Variants in SERGEF observed in about 807,000 individuals in gnomAD.
SERGEF encodes the protein secretion-regulating guanine nucleotide exchange factor.
A neutral mutation model predicts 50.0 loss-of-function variants in SERGEF; 51 were observed. The ratio of observed to expected loss-of-function variants is 1.02; its 90% CI spans 0.81 to 1.29. The LOEUF is 1.29. SERGEF is among the 50% of genes most tolerant of loss of function. The pLI, the probability that SERGEF is intolerant of heterozygous loss-of-function variation, is 0.00. For synonymous variants in SERGEF, 205 were observed against 212.4 expected (o/e 0.97, Z 0.30); for missense variants, 521 against 557.0 (o/e 0.94, Z 0.65).
At chr11:17,809,716 C>T (rs1849832453) in intron 10 of SERGEF, among the ~76,000 whole-genome samples, 1 of 152,016 alleles carries the variant, frequency 6.6e-6, no homozygotes, top group Non-Finnish European at 1.5e-5. Flanking sequence ...GAGGACTTGG[C>T]ATCTGTGAAG....
At chr11:17,833,915 G>A (rs1055060255) in intron 10 of SERGEF, among the ~76,000 whole-genome samples, 2 of 152,194 alleles carry the variant, frequency 1.3e-5, no homozygotes, top group African/African-American at 4.8e-5. Flanking sequence ...ATAGGCAGAA[G>A]GGACTTGCCT....
At chr11:18,000,265 T>C (rs947220798) in intron 5 of SERGEF, among the ~76,000 whole-genome samples, 1 of 151,686 alleles carries the variant, frequency 6.6e-6, no homozygotes, top group African/African-American at 2.4e-5. Flanking sequence ...CTGGGCAACA[T>C]AGCGAGACCC....
chr11:17,845,789 T>C (rs1319967825), intron 10 of SERGEF, among the ~76,000 whole-genome samples: 1 of 152,190 alleles, frequency 6.6e-6, no homozygotes, highest in African/African-American at 2.4e-5. Context: ...ACTCATTTGA[T>C]GATAAAGAAA....
At chr11:17,995,770 T>C (rs746054582) in intron 6 of SERGEF, 26 bp downstream of exon 6, 2 of 1,444,484 alleles carry the variant, frequency 1.4e-6, no homozygotes, top group South Asian at 1.2e-5. Context: ...AGAACAAATA[T>C]AGGACTAAAG....
At chr11:17,970,830 G>T (rs951678961) in intron 8 of SERGEF, among the ~76,000 whole-genome samples, 4 of 152,116 alleles carry the variant, frequency 2.6e-5, no homozygotes, top group Admixed American at 6.6e-5. Context: ...TTGTAGGAAG[G>T]CTAAGAGACG....
At chr11:17,978,346 GCCC>G (rs991671448) in intron 8 of SERGEF, among the ~76,000 whole-genome samples, 5 of 152,146 alleles carry the variant, frequency 3.3e-5, no homozygotes, top group Admixed American at 1.3e-4. Context: ...CTCTGGCAAG[GCCC>G]TGGGCCTGCC....
intron 4 of SERGEF, among the ~76,000 whole-genome samples, chr11:18,003,361 T>C (rs1265719610): frequency 1.3e-5 from 2 of 152,248 alleles, no homozygotes; most frequent in Non-Finnish European, 2.9e-5. Flanking sequence ...TAAAGAGCTC[T>C]GAACTAGAGC....
chr11:17,909,318 G>A (rs768967175), intron 9 of SERGEF, among the ~76,000 whole-genome samples: 2 of 152,160 alleles, frequency 1.3e-5, no homozygotes, highest in Non-Finnish European at 2.9e-5. Context: ...ATTATTATTT[G>A]GCCAGAAGCT....
chr11:17,879,077 G>C (rs1017822290), intron 9 of SERGEF, among the ~76,000 whole-genome samples: 1 of 152,176 alleles, frequency 6.6e-6, no homozygotes, highest in African/African-American at 2.4e-5. Flanking sequence ...AGATGGATTG[G>C]ACAAGGCCTG....
chr11:18,001,082 G>A (rs1853950434), intron 4 of SERGEF, among the ~76,000 whole-genome samples: 1 of 152,156 alleles, frequency 6.6e-6, no homozygotes, highest in Non-Finnish European at 1.5e-5. Flanking sequence ...CAGTGACATA[G>A]GGATCGCCAT....
rs537488870 is a variant in SERGEF, at chr11:17,970,180, T to C, written c.845-10544A>G. 3.0e-4 allele frequency among the ~76,000 whole-genome samples: 45 copies of C among 152,352 alleles called. No individual in the cohort carries two copies. The South Asian group carries it at 4.3e-3, about 15-fold the overall frequency. ...GGCAACCCTGAGTCCAGTAAGTCTATTGGCGCCATTTTTCGAACAGCATGT... is the reference window on the plus strand; with the variant it reads ...GGCAACCCTGAGTCCAGTAAGTCTACTGGCGCCATTTTTCGAACAGCATGT... On this transcript the variant is annotated intron_variant, in intron 8 of 10. Coordinates refer to ENST00000265965, the MANE Select transcript of SERGEF (RefSeq NM_012139.4).
chr11:17,814,929 C>A (rs1486825249), intron 10 of SERGEF, among the ~76,000 whole-genome samples: 1 of 152,176 alleles, frequency 6.6e-6, no homozygotes, highest in African/African-American at 2.4e-5. Context: ...GCCTATAATC[C>A]TAGTGCTTTG....
At chr11:17,980,411 T>C (rs1043953408) in intron 8 of SERGEF, among the ~76,000 whole-genome samples, 2 of 152,214 alleles carry the variant, frequency 1.3e-5, no homozygotes, top group African/African-American at 2.4e-5. Flanking sequence ...TACATGGGAA[T>C]AGATGGCAAA....
chr11:17,959,058 G>A (rs1157340393), intron 9 of SERGEF, among the ~76,000 whole-genome samples: 6 of 152,146 alleles, frequency 3.9e-5, no homozygotes, highest in East Asian at 3.9e-4. Context: ...TAGTAGAGAC[G>A]GGGTTTCACC....
chr11:17,866,927 G>A (rs1037654357), intron 10 of SERGEF: 1 of 152,164 alleles, frequency 6.6e-6, no homozygotes, highest in Non-Finnish European at 1.5e-5. Context: ...CAGATCTCGT[G>A]AGACTTATTC....
At chr11:17,924,052 G>C (rs1165238290) in intron 9 of SERGEF, among the ~76,000 whole-genome samples, 1 of 152,186 alleles carries the variant, frequency 6.6e-6, no homozygotes, top group Non-Finnish European at 1.5e-5. Context: ...TACACCCAAG[G>C]AGGAAGAAAT....
chr11:17,974,300 A>C (rs146720746), intron 8 of SERGEF, among the ~76,000 whole-genome samples: 26 of 152,328 alleles, frequency 1.7e-4, no homozygotes, highest in East Asian at 9.6e-4. Flanking sequence ...GACACAGTTT[A>C]AGATTATCTT....
At chr11:17,863,596 G>A (rs932737059) in intron 10 of SERGEF, 7 of 151,988 alleles carry the variant, frequency 4.6e-5, no homozygotes, top group African/African-American at 1.2e-4. Context: ...TTCTTATCAT[G>A]GTCTGCTTTG....
rs947987805 is a variant in SERGEF at position 17,884,316 on chromosome 11, G to A, written c.1012-6072C>T. Among the ~76,000 whole-genome samples, 2 of 152,188 alleles carry A rather than the reference G, an allele frequency of 1.3e-5. No individual in the cohort carries two copies. Among genetic ancestry groups the A allele is most frequent in the Non-Finnish European group, 2.9e-5 (2 of 68,030 alleles). ...CTGCGAGCCCTTGGCGGGCACAGCC[G>A]CCAGGGTGGGAGAAGCGTACCAGAA... is the stretch of plus-strand genomic sequence containing the variant. On this transcript the variant is annotated intron_variant, in intron 9 of 10. Transcript: ENST00000265965. This position sits in a 1 kb window ranked among gnomAD's most constrained non-coding sequence, Gnocchi z 4.6.
Sources: allele counts gnomAD v4.1 joint callset (sites outside exome capture counted in the v4.1 genomes callset), GRCh38; gene constraint gnomAD v4.1.1; non-coding constraint Gnocchi (gnomAD v3.1); transcripts MANE v1.5; gene names NCBI Gene and HGNC (gene_info 2026-07-23, HGNC 2026-07-21).